The following FGF9 variants were observed in gnomAD, a reference collection of about 807,000 sequenced individuals.
FGF9 encodes fibroblast growth factor 9.
Under a neutral mutation model 19.9 loss-of-function variants are expected in FGF9, and 3 were observed. That is an observed-to-expected ratio of 0.15 (90% CI 0.07 to 0.39). FGF9 has a LOEUF of 0.39. FGF9 is among the 10% of genes least tolerant of loss of function. The pLI is 1.00. For synonymous variants in FGF9, 107 were observed against 106.9 expected (o/e 1.00, Z -0.01); for missense variants, 175 against 256.8 (o/e 0.68, Z 2.18).
At chr13:21,678,732 T>G (rs990951914) in intron 1 of FGF9, among the ~76,000 whole-genome samples, 1 of 152,182 alleles carries the variant, frequency 6.6e-6, no homozygotes, top group African/African-American at 2.4e-5. Flanking sequence ...GCTGCAAATA[T>G]TTTTTAGTTT....
At chr13:21,690,577 C>G (rs1872263731) in intron 2 of FGF9, among the ~76,000 whole-genome samples, 2 of 152,296 alleles carry the variant, frequency 1.3e-5, no homozygotes, top group South Asian at 4.1e-4. Context: ...TACGTTGATC[C>G]TCATTGTTCA....
At chr13:21,685,901 G>C (rs1872145415) in intron 2 of FGF9, among the ~76,000 whole-genome samples, 1 of 152,192 alleles carries the variant, frequency 6.6e-6, no homozygotes, top group Non-Finnish European at 1.5e-5. Context: ...ACGCTGCCAG[G>C]TTGAAATTTC....
At chr13:21,690,751 C>T (rs765598571) in intron 2 of FGF9, among the ~76,000 whole-genome samples, 12 of 152,232 alleles carry the variant, frequency 7.9e-5, no homozygotes, top group Non-Finnish European at 5.9e-5. Context: ...CTGTTCTTGT[C>T]TCAGCTCTGC....
chr13:21,690,836 TGTAGAAAACATCCTCA>T (rs1872273350), intron 2 of FGF9, among the ~76,000 whole-genome samples: 1 of 152,236 alleles, frequency 6.6e-6, no homozygotes. Context: ...GTGATTTTGC[TGTAGAAAACATCCTCA>T]GTGTAATACT....
intron 2 of FGF9, among the ~76,000 whole-genome samples, chr13:21,682,941 TATTAA>T (rs1872077935): frequency 6.6e-6 from 1 of 152,200 alleles, no homozygotes; most frequent in Admixed American, 6.5e-5. Flanking sequence ...GCATCTCAAA[TATTAA>T]ATTATTTTAA....
rs1872602799 is a variant in FGF9, at chr13:21,704,129, G to C, written c.*2694G>C. 1 of 152,134 alleles carries C rather than the reference G, an allele frequency of 6.6e-6. No individual in the cohort carries two copies. The highest frequency in any genetic ancestry group is 2.4e-5 in the African/African-American group (1 of 41,408). 9.4% of individuals were successfully genotyped at this position (152,134 alleles called of 1,614,324 possible). On this transcript the variant is annotated 3_prime_UTR_variant, in exon 3 of 3. Transcript: ENST00000382353. ...GAGACCCAAAGCCCAGTGAATGGCA[G>C]CCCTGAGCCACTGTGGAATGGGGGT...
Position 21,671,664 on chromosome 13 carries a change from A to G in FGF9, c.-249A>G. 1 of 605,928 alleles carries G rather than the reference A, an allele frequency of 1.7e-6. No individual in the cohort carries two copies. The highest frequency in any genetic ancestry group is 2.0e-5 in the South Asian group (1 of 50,082). The allele number at this position is 605,928 out of a possible 1,614,324, so 37.5% of individuals were successfully genotyped here. A position where few individuals can be genotyped will look rare whatever the true frequency, so the allele number is the denominator to read the frequency against. ...ATAGAGATACATAGATATGTTTATC[A>G]ATATGTCAGTGTGTGAGTATAAAGT... On this transcript the variant is annotated 5_prime_UTR_variant, in exon 1 of 3. Coordinates refer to ENST00000382353, the MANE Select transcript of FGF9 (RefSeq NM_002010.3).
chr13:21,675,021 T>G (rs1871876005), intron 1 of FGF9, among the ~76,000 whole-genome samples: 1 of 4,820 alleles, frequency 2.1e-4, no homozygotes, highest in African/African-American at 7.6e-4. Flanking sequence ...ATGTGGGGGC[T>G]GGGGGGGATG....
intron 1 of FGF9, among the ~76,000 whole-genome samples, chr13:21,675,277 C>G (rs1184374369): frequency 1.3e-5 from 2 of 152,114 alleles, no homozygotes; most frequent in Non-Finnish European, 2.9e-5. Context: ...AGTCTTTCAT[C>G]CGGTTGCAGT....
intron 1 of FGF9, among the ~76,000 whole-genome samples, chr13:21,678,696 A>T (rs1871970774): frequency 6.6e-6 from 1 of 152,226 alleles, no homozygotes; most frequent in South Asian, 2.1e-4. Flanking sequence ...GGGAAAGCAG[A>T]AAGATCATCA....
At chr13:21,695,877 T>C (rs908568295) in intron 2 of FGF9, among the ~76,000 whole-genome samples, 1 of 152,242 alleles carries the variant, frequency 6.6e-6, no homozygotes, top group Non-Finnish European at 1.5e-5. Context: ...GTTTATAACA[T>C]AGCAGCAAGT....
intron 1 of FGF9, among the ~76,000 whole-genome samples, chr13:21,677,311 C>T (rs1452739090): frequency 2.6e-5 from 4 of 152,188 alleles, no homozygotes; most frequent in Non-Finnish European, 5.9e-5. Context: ...CCTTCCTCCT[C>T]CCCTCTTCCT....
In FGF9 at chr13:21,671,963, A is replaced by G. The variant is rs1593088316; in HGVS notation, c.51A>G (p.Val17=). 2 of 1,614,112 alleles carry G rather than the reference A, an allele frequency of 1.2e-6. No individual in the cohort carries two copies. The highest frequency in any genetic ancestry group is 2.2e-5 in the East Asian group (1 of 44,870). ...ACTATTTCGGTGTGCAGGATGCGGT[A>G]CCGTTTGGGAATGTGCCCGTGTTGC... ...VGNYFGVQDA[V]PFGNVPVLPV... is the part of the protein sequence containing the mutation. Residue 17 remains valine, a synonymous_variant, in exon 1 of 3, where the codon GTA becomes GTG. Transcript: ENST00000382353.
At chr13:21,696,023 T>G (rs879774025) in intron 2 of FGF9, among the ~76,000 whole-genome samples, 1 of 152,208 alleles carries the variant, frequency 6.6e-6, no homozygotes, top group Non-Finnish European at 1.5e-5. Context: ...TATTACTAAG[T>G]CTTGACTTTT....
At chr13:21,686,088 T>C (rs1872149503) in intron 2 of FGF9, among the ~76,000 whole-genome samples, 1 of 152,230 alleles carries the variant, frequency 6.6e-6, no homozygotes, top group Non-Finnish European at 1.5e-5. Context: ...GGAGTCTTAC[T>C]CTGTCACCCA....
intron 1 of FGF9, among the ~76,000 whole-genome samples, chr13:21,675,617 G>T (rs939591371): frequency 2.6e-5 from 4 of 152,194 alleles, no homozygotes; most frequent in African/African-American, 4.8e-5. Flanking sequence ...CCGCAGCCCG[G>T]CTCCCCTCTG....
At chr13:21,674,495 G>A (rs1871854457) in intron 1 of FGF9, among the ~76,000 whole-genome samples, 1 of 151,920 alleles carries the variant, frequency 6.6e-6, no homozygotes, top group South Asian at 2.1e-4. Context: ...TTCACAACCG[G>A]GGGAGCCCGG....
At chr13:21,694,568 T>A (rs535381939) in intron 2 of FGF9, among the ~76,000 whole-genome samples, 1 of 152,366 alleles carries the variant, frequency 6.6e-6, no homozygotes, top group South Asian at 2.1e-4. Flanking sequence ...TACTGAGTAA[T>A]GTTTAATTTG....
chr13:21,691,455 A>C lies in FGF9; in HGVS notation c.382-9735A>C, dbSNP rs552002454. ...CAACTTTGCTGCAGGGTTTAGAAAC[A>C]TGGAGGCTTCTGGATGTCTCCGGAT... is the stretch of plus-strand genomic sequence containing the variant. On this transcript the variant is annotated intron_variant, in intron 2 of 2. Coordinates refer to ENST00000382353, the MANE Select transcript of FGF9 (RefSeq NM_002010.3). This position sits in a 1 kb window ranked among gnomAD's most constrained non-coding sequence, Gnocchi z 4.2. Among the ~76,000 whole-genome samples the C allele has an allele frequency of 2.0e-5, 3 of 152,330 alleles. No individual in the cohort carries two copies. The highest frequency in any genetic ancestry group is 7.2e-5 in the African/African-American group (3 of 41,590).
Sources: allele counts gnomAD v4.1 joint callset (sites outside exome capture counted in the v4.1 genomes callset), GRCh38; gene constraint gnomAD v4.1.1; non-coding constraint Gnocchi (gnomAD v3.1); transcripts MANE v1.5; gene names NCBI Gene and HGNC (gene_info 2026-07-23, HGNC 2026-07-21).